DDAH1: variants seen among roughly 807,000 people sequenced by gnomAD.
The protein encoded by DDAH1 is dimethylarginine dimethylaminohydrolase 1, also known as N(G),N(G)-dimethylarginine dimethylaminohydrolase 1.
Under a neutral mutation model 28.8 loss-of-function variants are expected in DDAH1, and 19 were observed. The observed-to-expected ratio is 0.66, with a 90% CI of 0.46 to 0.97. The LOEUF is 0.97. Among genes scored for constraint, DDAH1 ranks in the 50% least tolerant of loss-of-function variants. The probability of loss-of-function intolerance (pLI) is 0.00; values close to 1 mark genes in which losing one functional copy is unlikely to be tolerated. For missense variants in DDAH1, 326 were observed against 375.9 expected (o/e 0.87, Z 1.10); for synonymous variants, 153 against 154.4 (o/e 0.99, Z 0.07).
At chr1:85,384,449 G>C (rs1238524570) in intron 1 of DDAH1, among the ~76,000 whole-genome samples, 1 of 152,130 alleles carries the variant, frequency 6.6e-6, no homozygotes, top group African/African-American at 2.4e-5. Flanking sequence ...TCTGTGGCCT[G>C]AAAACTGCCT....
chr1:85,324,850 T>G lies in DDAH1; in HGVS notation c.631A>C (p.Lys211Gln), dbSNP rs1557457847. ...GCTATGTCATCAGGCACAGTGAGTT[T>G]GTCGTAGCGGTGGTCACTCATCTGT... ...MQQMSDHRYD[K>Q]LTVPDDIAAN... Residue 211 changes from lysine (K) to glutamine (Q), a missense_variant, in exon 5 of 6, where the codon AAA becomes CAA. Transcript: ENST00000284031. 1 of 1,614,174 alleles carries G rather than the reference T, an allele frequency of 6.2e-7. No individual in the cohort carries two copies. The highest frequency in any genetic ancestry group is 8.5e-7 in the Non-Finnish European group (1 of 1,180,016).
At chr1:85,385,133 T>G (rs1266560504) in intron 1 of DDAH1, among the ~76,000 whole-genome samples, 1 of 152,248 alleles carries the variant, frequency 6.6e-6, no homozygotes, top group African/African-American at 2.4e-5. Flanking sequence ...CCTCTTCTCC[T>G]CTGCAATATC....
In DDAH1 at chr1:85,373,763, G is replaced by A. The variant is rs960374908; in HGVS notation, c.304-14916C>T. ...ATAAATACCCAGGGAGAAACTAAGA[G>A]ACAGCTCTAAGAACAAAAAGAATGT... On this transcript the variant is annotated intron_variant, in intron 1 of 5. Transcript: ENST00000284031. Among the ~76,000 whole-genome samples, 12 of 152,190 alleles carry A rather than the reference G, an allele frequency of 7.9e-5. No homozygotes were observed. In the East Asian group the frequency reaches 1.3e-3, roughly 17 times the overall value.
intron 1 of DDAH1, among the ~76,000 whole-genome samples, chr1:85,407,550 T>G (rs1652462726): frequency 6.6e-6 from 1 of 152,228 alleles, no homozygotes; most frequent in African/African-American, 2.4e-5. Context: ...TAGATTATTA[T>G]TTTCACCTAA....
intron 1 of DDAH1, among the ~76,000 whole-genome samples, chr1:85,412,899 A>G (rs1652724061): frequency 6.6e-6 from 1 of 152,054 alleles, no homozygotes; most frequent in Non-Finnish European, 1.5e-5. Context: ...TACTTGGGAG[A>G]CTGAGGTGGG....
At chr1:85,441,047 T>C (rs75778210) in intron 1 of DDAH1, among the ~76,000 whole-genome samples, 3,529 of 152,332 alleles carry the variant, frequency 0.023, 56 homozygotes, top group Non-Finnish European at 0.035. Flanking sequence ...GCCCTGCAGA[T>C]AAATGCTGAA....
intron 1 of DDAH1, among the ~76,000 whole-genome samples, chr1:85,577,483 C>T (rs1659646701): frequency 6.6e-6 from 1 of 152,160 alleles, no homozygotes; most frequent in Non-Finnish European, 1.5e-5. Flanking sequence ...TGAAGACACA[C>T]ACACACACCC....
chr1:85,556,652 G>T (rs1658978752), intron 1 of DDAH1, among the ~76,000 whole-genome samples: 1 of 152,130 alleles, frequency 6.6e-6, no homozygotes, highest in African/African-American at 2.4e-5. Context: ...TCATAAAGGA[G>T]ATATAGGATT....
intron 1 of DDAH1, chr1:85,404,356 A>G (rs760379240): frequency 6.5e-7 from 1 of 1,534,530 alleles, no homozygotes; most frequent in South Asian, 1.2e-5. Context: ...TCTAGAAGGT[A>G]CTGCTAAGCT....
chr1:85,360,126 C>T lies in DDAH1; in HGVS notation c.304-1279G>A, dbSNP rs78888496. 7.9e-5 allele frequency among the ~76,000 whole-genome samples: 12 copies of T among 152,188 alleles called. No homozygotes were observed. In the East Asian group the frequency reaches 2.3e-3, roughly 29 times the overall value. On this transcript the variant is annotated intron_variant, in intron 1 of 5. Transcript: ENST00000284031. Reference sequence around the variant, plus strand: ...TTGTCAGTGAAGAGTTTAAGAGACACAAATAGAGCAGAGTTACTTCTAAAG... The same window carrying T: ...TTGTCAGTGAAGAGTTTAAGAGACATAAATAGAGCAGAGTTACTTCTAAAG...
intron 1 of DDAH1, among the ~76,000 whole-genome samples, chr1:85,366,569 T>C (rs1247587514): frequency 3.9e-5 from 6 of 152,086 alleles, no homozygotes; most frequent in Admixed American, 3.9e-4. Context: ...TCAGAAAAAA[T>C]TTTGGCATTC....
At chr1:85,335,807 C>A (rs989647944) in intron 4 of DDAH1, among the ~76,000 whole-genome samples, 1 of 151,678 alleles carries the variant, frequency 6.6e-6, no homozygotes, top group Non-Finnish European at 1.5e-5. Context: ...ATAAAAAATA[C>A]AAAAATTAGC....
At chr1:85,497,520 T>C (rs959879271) in intron 1 of DDAH1, among the ~76,000 whole-genome samples, 1 of 152,232 alleles carries the variant, frequency 6.6e-6, no homozygotes, top group Non-Finnish European at 1.5e-5. Flanking sequence ...TTAACATGGT[T>C]TCCATTATCA....
chr1:85,500,163 CTCT>C (rs1265645631), intron 1 of DDAH1, among the ~76,000 whole-genome samples: 2 of 50,096 alleles, frequency 4.0e-5, no homozygotes, highest in Non-Finnish European at 1.0e-4. Context: ...TTCTTTCTTT[CTCT>C]TTTTTCCTTC....
chr1:85,407,330 C>A (rs181044477), intron 1 of DDAH1, among the ~76,000 whole-genome samples: 2 of 152,292 alleles, frequency 1.3e-5, no homozygotes, highest in East Asian at 3.9e-4. Context: ...AGCTGGCCAA[C>A]AATGGATGAT....
chr1:85,491,376 C>A (rs1235992421), intron 2 of DDAH1, among the ~76,000 whole-genome samples: 1 of 152,148 alleles, frequency 6.6e-6, no homozygotes, highest in Non-Finnish European at 1.5e-5. Context: ...TGATTCAATG[C>A]AAGTGATTGT....
chr1:85,568,447 G>A (rs1659366203), intron 1 of DDAH1, among the ~76,000 whole-genome samples: 1 of 152,120 alleles, frequency 6.6e-6, no homozygotes, highest in Non-Finnish European at 1.5e-5. Context: ...CCACTGCCTA[G>A]GGAAGGGCTT....
chr1:85,402,525 T>TCAGTTACAA (rs1370024546), intron 1 of DDAH1, among the ~76,000 whole-genome samples: 1 of 152,232 alleles, frequency 6.6e-6, no homozygotes, highest in Non-Finnish European at 1.5e-5. Flanking sequence ...ATGTATAATT[T>TCAGTTACAA]CAGTTACAAA....
At chr1:85,426,921 CAAAAA>C (rs10680800) in intron 1 of DDAH1, among the ~76,000 whole-genome samples, 9 of 120,440 alleles carry the variant, frequency 7.5e-5, no homozygotes, top group East Asian at 7.4e-4. Flanking sequence ...TTAAAAAAAA[CAAAAA>C]AAAAAAAAAA....
Sources: allele counts gnomAD v4.1 joint callset (sites outside exome capture counted in the v4.1 genomes callset), GRCh38; gene constraint gnomAD v4.1.1; transcripts MANE v1.5; gene names NCBI Gene and HGNC (gene_info 2026-07-23, HGNC 2026-07-21).